PRKDC: variants seen among roughly 807,000 people sequenced by gnomAD.
PRKDC encodes protein kinase, DNA-activated, catalytic subunit, also known as DNA-dependent protein kinase catalytic subunit.
A neutral mutation model predicts 486.9 loss-of-function variants in PRKDC; 82 were observed. The ratio of observed to expected loss-of-function variants is 0.17; its 90% CI spans 0.14 to 0.20. PRKDC has a LOEUF of 0.20. Among genes scored for constraint, PRKDC ranks in the 10% least tolerant of loss-of-function variants. PRKDC has a pLI of 1.00. For missense variants in PRKDC, 4,504 were observed against 5,038.2 expected (o/e 0.89, Z 3.21); for synonymous variants, 1,895 against 1,837.0 (o/e 1.03, Z -0.81).
At chr8:47,913,629 G>A (rs1162345676) in intron 24 of PRKDC, among the ~76,000 whole-genome samples, 2 of 152,286 alleles carry the variant, frequency 1.3e-5, no homozygotes, top group Middle Eastern at 3.4e-3. Flanking sequence ...CTGACCTCAA[G>A]TGATCTGCCT....
At chr8:47,886,454 A>G (rs1381757823) in intron 35 of PRKDC, among the ~76,000 whole-genome samples, 3 of 151,948 alleles carry the variant, frequency 2.0e-5, no homozygotes, top group Non-Finnish European at 2.9e-5. Context: ...CAGTGGCACG[A>G]TCTCGGCTCA....
rs868303619 is a variant in PRKDC, at chr8:47,913,965, A to G, written c.2717T>C (p.Phe906Ser). Reference sequence around the variant, plus strand: ...GACTCGAGGCAGGAACACATCCAGGAAAATGACAGGTTTCATCTCTCTAAA... The same window carrying G: ...GACTCGAGGCAGGAACACATCCAGGGAAATGACAGGTTTCATCTCTCTAAA... ...VPFREMKPVI[F>S]LDVFLPRVTE... The change falls in exon 24 of 86, where the codon TTC becomes TCC. Residue 906 changes from phenylalanine (F) to serine (S), a missense_variant. This residue lies in a region of PRKDC where 1,969 missense variants were observed against 2,068.9 expected (regional missense o/e 0.95). Transcript: ENST00000314191. The G allele has an allele frequency of 4.3e-6, 7 of 1,612,366 alleles. No homozygotes were observed. The highest frequency in any genetic ancestry group is 4.0e-5 in the African/African-American group (3 of 74,864).
At position 47,957,406 on chromosome 8, in the gene PRKDC, G is replaced by C. The variant is rs1589820797; in HGVS notation, c.180C>G (p.Ser60=). ...VLALQTSLVF[S]RDFGLLVFVR... is the part of the protein sequence containing the mutation. ...CAAATACAAGCAAACCGAAATCTCT[G>C]GAAAAAACTAAAGATGTCTGTAATG... is the stretch of plus-strand genomic sequence containing the variant. Residue 60 remains serine (S), a synonymous_variant, in exon 2 of 86, where the codon TCC becomes TCG. Coordinates refer to ENST00000314191, the MANE Select transcript of PRKDC (RefSeq NM_006904.7). 2 of 1,589,884 alleles carry C rather than the reference G, an allele frequency of 1.3e-6. No individual in the cohort carries two copies. Among genetic ancestry groups the C allele is most frequent in the African/African-American group, 1.3e-5 (1 of 74,480 alleles).
In PRKDC at chr8:47,803,445, C is replaced by G. The variant is rs772972161; in HGVS notation, c.9783G>C (p.Glu3261Asp). The part of the protein sequence containing the change: ...NFSLAMKLLK[E>D]LHKESKTRDD... ...CTCTGGTTTTTGACTCTTTATGCAG[C>G]TCCTTCAGTAGTTTCATAGCAAGTG... The change falls in exon 70 of 86, where the codon GAG becomes GAC. Residue 3261 changes from glutamate to aspartate, a missense_variant. Glu to Asp is a conservative substitution (Grantham distance 45). Transcript: ENST00000314191. 24 of 1,613,856 alleles carry G rather than the reference C, an allele frequency of 1.5e-5. No individual in the cohort carries two copies. The highest frequency in any genetic ancestry group is 1.7e-6 in the Non-Finnish European group (2 of 1,179,894).
At chr8:47,810,338 T>C (rs1269151303) in intron 68 of PRKDC, among the ~76,000 whole-genome samples, 2 of 152,232 alleles carry the variant, frequency 1.3e-5, no homozygotes, top group Non-Finnish European at 2.9e-5. Context: ...TTTGAATTAT[T>C]CTACTTTATT....
chr8:47,880,515 C>T (rs1018392642), intron 38 of PRKDC, among the ~76,000 whole-genome samples: 1 of 152,044 alleles, frequency 6.6e-6, no homozygotes, highest in African/African-American at 2.4e-5. Flanking sequence ...AAAAAGGTCC[C>T]TTGAATTAAG....
At chr8:47,922,378 AG>A (rs1384349181) in intron 21 of PRKDC, among the ~76,000 whole-genome samples, 1 of 152,044 alleles carries the variant, frequency 6.6e-6, no homozygotes, top group African/African-American at 2.4e-5. Flanking sequence ...AAGCTGAGGC[AG>A]GAGAACTGCT....
intron 25 of PRKDC, among the ~76,000 whole-genome samples, chr8:47,906,904 AT>A (rs576898525): frequency 3.3e-5 from 5 of 151,416 alleles, no homozygotes; most frequent in Admixed American, 2.7e-4. Flanking sequence ...CTTTGAAGCT[AT>A]TTTTTTCCCC....
chr8:47,803,370 G>A lies in PRKDC; in HGVS notation c.9858C>T (p.Cys3286=), dbSNP rs750682248. ...WVQSYCRLSH[C]RSRSQGCSEQ... ...CAGAGCAGCCCTGGGACCGGCTCCGGCAGTGGCTCAGGCGGCAGTAGCTCT... is the reference window on the plus strand; with the variant it reads ...CAGAGCAGCCCTGGGACCGGCTCCGACAGTGGCTCAGGCGGCAGTAGCTCT... The change falls in exon 70 of 86, where the codon TGC becomes TGT. Residue 3286 remains cysteine, a synonymous_variant. Transcript: ENST00000314191. The A allele has an allele frequency of 2.5e-6, 4 of 1,614,026 alleles. No individual in the cohort carries two copies. In the Admixed American group the frequency reaches 6.7e-5, roughly 27 times the overall value.
chr8:47,821,212 A>G (rs1427367464), intron 65 of PRKDC, among the ~76,000 whole-genome samples: 1 of 152,214 alleles, frequency 6.6e-6, no homozygotes, highest in Non-Finnish European at 1.5e-5. Context: ...TGTTACGTAC[A>G]AACTGAGGAA....
chr8:47,912,650 G>A, intron 24 of PRKDC, 88 bp from the exon 25 acceptor site: 1 of 1,319,174 alleles, frequency 7.6e-7, no homozygotes, highest in Admixed American at 2.7e-5. Context: ...TAGCCTTTAA[G>A]AAGAAAAATT....
At chr8:47,864,515 A>AG in intron 41 of PRKDC, 41 bp downstream of exon 41, 2 of 1,539,674 alleles carry the variant, frequency 1.3e-6, no homozygotes, top group Non-Finnish European at 1.8e-6. Flanking sequence ...CCAGTCAAGT[A>AG]GGCTGCTCAC....
chr8:47,908,794 A>G (rs1563798259), intron 25 of PRKDC, among the ~76,000 whole-genome samples: 1 of 152,234 alleles, frequency 6.6e-6, no homozygotes, highest in Non-Finnish European at 1.5e-5. Flanking sequence ...ACCTAAAGAT[A>G]TACACAGACA....
chr8:47,807,953 G>A (rs976267720), intron 68 of PRKDC, among the ~76,000 whole-genome samples: 6 of 151,996 alleles, frequency 3.9e-5, no homozygotes, highest in African/African-American at 1.5e-4. Context: ...TGACCCTCAG[G>A]TGATCCTTGG....
intron 36 of PRKDC, among the ~76,000 whole-genome samples, chr8:47,883,973 C>T (rs2089278372): frequency 6.6e-6 from 1 of 152,250 alleles, no homozygotes; most frequent in Non-Finnish European, 1.5e-5. Flanking sequence ...GCTATGATGC[C>T]TGCATCTTTA....
chr8:47,820,818 C>A lies in PRKDC; in HGVS notation c.9237G>T (p.Glu3079Asp), dbSNP rs1369269511. 29 of 1,613,264 alleles carry A rather than the reference C, an allele frequency of 1.8e-5. No individual in the cohort carries two copies. In the Admixed American group the frequency reaches 4.7e-4, roughly 26 times the overall value. ...GACTCAGCTCTTGACTGTAATGAAG[C>A]TCTAGAATCGCCTTCTGGAGCTCCC... is the stretch of plus-strand genomic sequence containing the variant. ...MHGELQKAILELHYSQELSLL... is the reference protein window; with the variant it reads ...MHGELQKAILDLHYSQELSLL... Residue 3079 changes from glutamate to aspartate, a missense_variant, in exon 66 of 86, where the codon GAG becomes GAT. By Grantham distance (45) the Glu-to-Asp change is conservative. Around this residue, in one of 6 missense-constraint regions of PRKDC, gnomAD observed 1,592 missense variants for 1,724.6 expected, o/e 0.92. Coordinates refer to ENST00000314191, the MANE Select transcript of PRKDC (RefSeq NM_006904.7).
chr8:47,959,497 T>C (rs1247778964), intron 1 of PRKDC, among the ~76,000 whole-genome samples: 2 of 151,734 alleles, frequency 1.3e-5, no homozygotes, highest in Non-Finnish European at 2.9e-5. Context: ...ACCAACATGG[T>C]GAAACCCCAT....
At chr8:47,838,350 T>G (rs532133616) in intron 56 of PRKDC, among the ~76,000 whole-genome samples, 111 of 152,184 alleles carry the variant, frequency 7.3e-4, no homozygotes, top group Non-Finnish European at 1.4e-3. Flanking sequence ...GGTGCAGTGC[T>G]CACACTTAAA....
intron 50 of PRKDC, among the ~76,000 whole-genome samples, chr8:47,854,914 A>G (rs1258379479): frequency 1.3e-5 from 2 of 152,104 alleles, no homozygotes; most frequent in African/African-American, 4.8e-5. Context: ...CTCAGGCTAC[A>G]AAAAAAGGAA....
Sources: gnomAD v4.1 joint callset for allele counts (sites outside exome capture counted in the v4.1 genomes callset) on GRCh38, gnomAD v4.1.1 for gene constraint, gnomAD v4.1.1 regional missense constraint, MANE v1.5 for transcripts, NCBI Gene and HGNC (gene_info 2026-07-23, HGNC 2026-07-21) for gene names.